MDGA2: variants seen among roughly 807,000 people sequenced by gnomAD.
MDGA2 encodes the protein MAM domain-containing glycosylphosphatidylinositol anchor protein 2.
A neutral mutation model predicts 117.8 loss-of-function variants in MDGA2; 40 were observed. The observed-to-expected ratio is 0.34, with a 90% confidence interval of 0.26 to 0.44. MDGA2 has a LOEUF of 0.44. Ranked by LOEUF, MDGA2 falls within the 20% of genes least tolerant of loss-of-function variation. MDGA2 has a pLI of 1.00. For synonymous variants in MDGA2, 452 were observed against 439.0 expected (o/e 1.03, Z -0.37); for missense variants, 1,123 against 1,250.6 (o/e 0.90, Z 1.54).
intron 1 of MDGA2, among the ~76,000 whole-genome samples, chr14:47,589,921 T>C (rs1029481667): frequency 6.6e-6 from 1 of 152,012 alleles, no homozygotes; most frequent in African/African-American, 2.4e-5. Flanking sequence ...TCTTTTTTCA[T>C]GGTGTTATAA....
At chr14:47,200,025 A>T (rs577347721) in intron 3 of MDGA2, among the ~76,000 whole-genome samples, 8 of 152,204 alleles carry the variant, frequency 5.3e-5, no homozygotes, top group African/African-American at 1.9e-4. Flanking sequence ...TGAAAGAGAA[A>T]ATTAGGAGAC....
chr14:47,111,316 TAAAC>T (rs1881024667), intron 5 of MDGA2, among the ~76,000 whole-genome samples: 2 of 152,002 alleles, frequency 1.3e-5, no homozygotes, highest in Admixed American at 6.6e-5. Flanking sequence ...CAATGCAAAA[TAAAC>T]AAAATTCATA....
At chr14:47,514,932 A>C (rs1894720511) in intron 1 of MDGA2, among the ~76,000 whole-genome samples, 1 of 152,174 alleles carries the variant, frequency 6.6e-6, no homozygotes, top group Admixed American at 6.5e-5. Context: ...CTGTGATAAG[A>C]AGCTCTGTGT....
At chr14:46,899,093 T>C (rs893270635) in intron 10 of MDGA2, among the ~76,000 whole-genome samples, 1 of 152,004 alleles carries the variant, frequency 6.6e-6, no homozygotes. Context: ...TAGGTTGGCA[T>C]ATGATATTTT....
intron 4 of MDGA2, among the ~76,000 whole-genome samples, chr14:47,136,811 T>C (rs1419530986): frequency 6.6e-6 from 1 of 152,192 alleles, no homozygotes; most frequent in Non-Finnish European, 1.5e-5. Context: ...GTAAGCTTCC[T>C]GAACCATGTT....
intron 1 of MDGA2, among the ~76,000 whole-genome samples, chr14:47,604,178 A>G (rs951518180): frequency 6.6e-6 from 1 of 152,168 alleles, no homozygotes; most frequent in Non-Finnish European, 1.5e-5. Flanking sequence ...ATGGCTGATT[A>G]ACAGAATAAA....
chr14:47,400,148 T>C (rs922328527), intron 1 of MDGA2, among the ~76,000 whole-genome samples: 1 of 152,190 alleles, frequency 6.6e-6, no homozygotes, highest in Non-Finnish European at 1.5e-5. Flanking sequence ...GAAATTATAC[T>C]GCAGCACGCA....
rs532347635 is a variant in MDGA2, at chr14:47,058,930, A to G, written c.1525+2319T>C. On this transcript the variant is annotated intron_variant, in intron 7 of 16. Coordinates refer to ENST00000399232, the MANE Select transcript of MDGA2 (RefSeq NM_001113498.3). ...TTGATGTTGCCATAGTGAGTTTATT[A>G]ATTTTTGAACAAGGGGCATGCATTT... The G allele has an allele frequency of 2.8e-4, 270 of 971,830 alleles. 1 individual carries two copies. In the South Asian group the frequency reaches 9.9e-3, roughly 36 times the overall value. 60.2% of individuals were successfully genotyped at this position (971,830 alleles called of 1,614,324 possible).
intron 3 of MDGA2, among the ~76,000 whole-genome samples, chr14:47,145,153 A>G (rs1882889764): frequency 6.6e-6 from 1 of 152,056 alleles, no homozygotes; most frequent in Admixed American, 6.6e-5. Context: ...TCCTGTTTCT[A>G]TTACTGGATA....
intron 4 of MDGA2, among the ~76,000 whole-genome samples, chr14:47,138,907 T>C (rs1163401513): frequency 6.6e-6 from 1 of 152,116 alleles, no homozygotes; most frequent in African/African-American, 2.4e-5. Context: ...TATGAATTCA[T>C]ATCAGCTTTA....
intron 1 of MDGA2, among the ~76,000 whole-genome samples, chr14:47,336,063 A>G (rs1890447715): frequency 6.6e-6 from 1 of 151,816 alleles, no homozygotes; most frequent in Non-Finnish European, 1.5e-5. Flanking sequence ...AGAATTCGAT[A>G]AAGACTTTAA....
At chr14:47,486,300 G>A (rs1894059822) in intron 1 of MDGA2, among the ~76,000 whole-genome samples, 1 of 152,168 alleles carries the variant, frequency 6.6e-6, no homozygotes. Flanking sequence ...CATGGGGCCT[G>A]TAGCTCCTTT....
chr14:46,919,655 T>C (rs945424213), intron 10 of MDGA2, among the ~76,000 whole-genome samples: 1 of 152,206 alleles, frequency 6.6e-6, no homozygotes, highest in Non-Finnish European at 1.5e-5. Context: ...CAAATGATTA[T>C]GCAGTATAGG....
intron 5 of MDGA2, among the ~76,000 whole-genome samples, chr14:47,107,007 C>T (rs1322499358): frequency 4.3e-5 from 5 of 116,196 alleles, no homozygotes; most frequent in Non-Finnish European, 8.9e-5. Context: ...AGCTATATCT[C>T]ATTGCCACCC....
At chr14:47,141,481 T>C (rs1206841114) in intron 4 of MDGA2, among the ~76,000 whole-genome samples, 1 of 152,206 alleles carries the variant, frequency 6.6e-6, no homozygotes, top group Non-Finnish European at 1.5e-5. Context: ...TGAATGCAGC[T>C]ATAAAATAAT....
At chr14:47,272,504 G>A (rs1888178241) in intron 2 of MDGA2, among the ~76,000 whole-genome samples, 1 of 152,110 alleles carries the variant, frequency 6.6e-6, no homozygotes, top group African/African-American at 2.4e-5. Flanking sequence ...CCTATCCTCT[G>A]CCCTTCTAGG....
intron 1 of MDGA2, among the ~76,000 whole-genome samples, chr14:47,634,676 G>A (rs1897295210): frequency 6.6e-6 from 1 of 151,244 alleles, no homozygotes; most frequent in African/African-American, 2.5e-5. Flanking sequence ...ATAAACTTTA[G>A]TTAGACTGAT....
At chr14:46,871,904 T>G (rs953246801) in intron 14 of MDGA2, 1 of 400,520 alleles carries the variant, frequency 2.5e-6, no homozygotes, top group Admixed American at 2.4e-5. Context: ...TCCCAGCATT[T>G]TGAGAGGCGA....
At chr14:47,242,524 C>T (rs1338327212) in intron 2 of MDGA2, among the ~76,000 whole-genome samples, 3 of 151,938 alleles carry the variant, frequency 2.0e-5, no homozygotes, top group South Asian at 2.1e-4. Flanking sequence ...GCTTGGTGGG[C>T]CCCGCACTTG....
Sources: allele counts gnomAD v4.1 joint callset (sites outside exome capture counted in the v4.1 genomes callset), GRCh38; gene constraint gnomAD v4.1.1; transcripts MANE v1.5; gene names NCBI Gene and HGNC (gene_info 2026-07-23, HGNC 2026-07-21).